The following ATP13A5 variants were observed in gnomAD, a reference collection of about 807,000 sequenced individuals.
The protein encoded by ATP13A5 is probable cation-transporting ATPase 13A5.
Under a neutral mutation model 150.2 loss-of-function variants are expected in ATP13A5, and 149 were observed. That is an observed-to-expected ratio of 0.99 (90% CI 0.87 to 1.14). The LOEUF (loss-of-function observed/expected upper bound fraction) is 1.14. Ranked by LOEUF, ATP13A5 falls within the 50% of genes most tolerant of loss-of-function variation. ATP13A5 has a pLI of 0.00. For missense variants in ATP13A5, 1,383 were observed against 1,449.3 expected (o/e 0.95, Z 0.74); for synonymous variants, 497 against 522.2 (o/e 0.95, Z 0.66).
chr3:193,280,011 G>T (rs191807150), intron 27 of ATP13A5, among the ~76,000 whole-genome samples: 23 of 109,488 alleles, frequency 2.1e-4, no homozygotes, highest in African/African-American at 6.2e-4. Context: ...AAAGCCCTGT[G>T]TACCTGTGTA....
chr3:193,295,014 C>T (rs960323214), intron 25 of ATP13A5, among the ~76,000 whole-genome samples: 10 of 152,192 alleles, frequency 6.6e-5, no homozygotes, highest in Middle Eastern at 3.4e-3. Context: ...GCATCACTTT[C>T]GCACCATTGT....
chr3:193,285,008 G>T lies in ATP13A5; in HGVS notation c.3132C>A (p.Thr1044=), dbSNP rs145262666. 1.9e-6 allele frequency: 3 copies of T among 1,614,014 alleles called. No homozygotes were observed. The South Asian group carries it at 3.3e-5, about 18-fold the overall frequency. ...TGGTGGTGATGGGCCACAGTGTGGT[G>T]GTCTCAAAACTTAAAATTGAACCAG... The part of the protein sequence containing the change: ...LIPGSILSFE[T]TTLWPITTIN... Residue 1044 remains threonine, a synonymous_variant, in exon 27 of 30, where the codon ACC becomes ACA. Transcript: ENST00000342358.
At chr3:193,307,443 CTAAG>C in intron 21 of ATP13A5, 74 bp from the exon 22 acceptor site, 1 of 1,555,034 alleles carries the variant, frequency 6.4e-7, no homozygotes, top group Middle Eastern at 1.7e-4. Flanking sequence ...TCCATCATAA[CTAAG>C]TCACATGTGA....
chr3:193,340,704 G>A (rs188128518), intron 9 of ATP13A5, among the ~76,000 whole-genome samples: 1 of 152,218 alleles, frequency 6.6e-6, no homozygotes, highest in African/African-American at 2.4e-5. Flanking sequence ...CTAGGTTCTG[G>A]GGACAAAATG....
intron 5 of ATP13A5, among the ~76,000 whole-genome samples, chr3:193,359,060 T>C (rs112208682): frequency 6.7e-6 from 1 of 149,042 alleles, no homozygotes; most frequent in African/African-American, 2.5e-5. Context: ...AAATAGCTTA[T>C]GCATTAAATT....
chr3:193,344,786 G>A (rs1712267007), intron 8 of ATP13A5, among the ~76,000 whole-genome samples: 1 of 152,100 alleles, frequency 6.6e-6, no homozygotes, highest in Non-Finnish European at 1.5e-5. Context: ...ATTCAATGAG[G>A]CCCTTGTTCT....
At chr3:193,363,053 T>C (rs1244337942) in intron 3 of ATP13A5, among the ~76,000 whole-genome samples, 183 bp downstream of exon 3, 1 of 152,158 alleles carries the variant, frequency 6.6e-6, no homozygotes, top group African/African-American at 2.4e-5. Flanking sequence ...CCGCCCACAT[T>C]GGCCTCCCAA....
intron 25 of ATP13A5, among the ~76,000 whole-genome samples, chr3:193,295,801 G>A (rs1718146775): frequency 6.6e-6 from 1 of 152,146 alleles, no homozygotes; most frequent in African/African-American, 2.4e-5. Flanking sequence ...CTCATTCGCT[G>A]CATGCTGTCT....
intron 26 of ATP13A5, among the ~76,000 whole-genome samples, chr3:193,285,669 C>T (rs1418732233): frequency 6.6e-6 from 1 of 152,142 alleles, no homozygotes; most frequent in African/African-American, 2.4e-5. Context: ...CCTTTTGCCA[C>T]TCCTCCCATG....
At chr3:193,281,237 T>C in intron 27 of ATP13A5, 1 of 984,436 alleles carries the variant, frequency 1.0e-6, no homozygotes, top group Non-Finnish European at 1.2e-6. Flanking sequence ...AGAGGACGCC[T>C]GAAAGGTCTG....
chr3:193,285,175 A>G (rs924992267), intron 26 of ATP13A5, 59 bp from the exon 27 acceptor site: 10 of 1,102,552 alleles, frequency 9.1e-6, no homozygotes, highest in Non-Finnish European at 1.3e-5. Flanking sequence ...CCATTAGGTG[A>G]AAAAAAAAAT....
intron 17 of ATP13A5, among the ~76,000 whole-genome samples, chr3:193,317,338 G>T (rs1240313298): frequency 6.6e-6 from 1 of 152,018 alleles, no homozygotes; most frequent in Non-Finnish European, 1.5e-5. Flanking sequence ...ACCACTAGTG[G>T]GATAATATTT....
intron 25 of ATP13A5, among the ~76,000 whole-genome samples, chr3:193,293,344 C>T (rs899395467): frequency 2.0e-5 from 3 of 152,140 alleles, no homozygotes; most frequent in African/African-American, 7.2e-5. Flanking sequence ...CAGAGGAATA[C>T]TAACTTCTGA....
chr3:193,285,356 T>C (rs2108821707), intron 26 of ATP13A5, among the ~76,000 whole-genome samples: 1 of 152,302 alleles, frequency 6.6e-6, no homozygotes, highest in African/African-American at 2.4e-5. Flanking sequence ...AGGGCCTGGA[T>C]GACAATATTT....
chr3:193,294,734 A>AATTG lies in ATP13A5; in HGVS notation c.2848+4396_2848+4397insCAAT, dbSNP rs1560118079. 4.6e-5 allele frequency among the ~76,000 whole-genome samples: 7 copies of AATTG among 152,240 alleles called. No homozygotes were observed. In the South Asian group the frequency reaches 1.0e-3, roughly 23 times the overall value. Reference sequence around the variant, plus strand: ...TGATTTACAATGGGGTTACATTCTGATAAGCCCATTGTAAATTGAAAACAT... The same window carrying AATTG: ...TGATTTACAATGGGGTTACATTCTGAATTGTAAGCCCATTGTAAATTGAAAACAT... On this transcript the variant is annotated intron_variant, in intron 25 of 29. Coordinates refer to ENST00000342358, the MANE Select transcript of ATP13A5 (RefSeq NM_198505.4).
chr3:193,302,579 C>T (rs183309676), intron 23 of ATP13A5, among the ~76,000 whole-genome samples: 47 of 152,294 alleles, frequency 3.1e-4, no homozygotes, highest in African/African-American at 1.1e-3. Flanking sequence ...TTTTAAGTAG[C>T]TCATGCATTT....
In ATP13A5 at chr3:193,315,055, A is replaced by G. The variant is rs1353637107; in HGVS notation, c.2075T>C (p.Ile692Thr). 3.1e-6 allele frequency: 5 copies of G among 1,613,660 alleles called. No homozygotes were observed. In the Admixed American group the frequency reaches 8.3e-5, roughly 27 times the overall value. The change falls in exon 18 of 30, where the codon ATC becomes ACC. Residue 692 changes from isoleucine (I) to threonine (T), a missense_variant. Transcript: ENST00000342358. ...ESELTFLGLL[I>T]MENRLKKETK... ...TTCTTTTTTCAAGCGATTCTCCATGATGAGAAGTCCCAGAAATGTTAACTC... is the reference window on the plus strand; with the variant it reads ...TTCTTTTTTCAAGCGATTCTCCATGGTGAGAAGTCCCAGAAATGTTAACTC...
At chr3:193,320,080 A>G (rs1719203713) in intron 16 of ATP13A5, among the ~76,000 whole-genome samples, 1 of 152,340 alleles carries the variant, frequency 6.6e-6, no homozygotes, top group African/African-American at 2.4e-5. Flanking sequence ...ATGATTTATA[A>G]CGTACCTATA....
intron 17 of ATP13A5, among the ~76,000 whole-genome samples, chr3:193,315,759 A>G (rs925096448): frequency 1.3e-5 from 2 of 152,168 alleles, no homozygotes; most frequent in Admixed American, 6.6e-5. Flanking sequence ...TGGTGTTAAG[A>G]TTACAGGGAG....
Sources: gnomAD v4.1 joint callset for allele counts (sites outside exome capture counted in the v4.1 genomes callset) on GRCh38, gnomAD v4.1.1 for gene constraint, MANE v1.5 for transcripts, NCBI Gene and HGNC (gene_info 2026-07-23, HGNC 2026-07-21) for gene names.